INPP4B: variants seen among roughly 807,000 people sequenced by gnomAD.
INPP4B encodes the protein inositol polyphosphate-4-phosphatase type II B.
INPP4B carries 55 observed loss-of-function variants against 122.5 expected under a neutral mutation model. The ratio of observed to expected loss-of-function variants is 0.45; its 90% CI spans 0.36 to 0.56. The LOEUF (loss-of-function observed/expected upper bound fraction) is 0.56, where lower values mean the gene tolerates loss of function less well. Among genes scored for constraint, INPP4B ranks in the 20% least tolerant of loss-of-function variants. INPP4B has a pLI of 0.00. For synonymous variants in INPP4B, 403 were observed against 388.7 expected (o/e 1.04, Z -0.43); for missense variants, 1,000 against 1,097.7 (o/e 0.91, Z 1.26).
intron 7 of INPP4B, among the ~76,000 whole-genome samples, chr4:142,399,497 T>A (rs1201448407): frequency 2.0e-5 from 3 of 152,102 alleles, no homozygotes; most frequent in Non-Finnish European, 4.4e-5. Context: ...GCCAATTTCC[T>A]CTTGCTTTTA....
intron 22 of INPP4B, 25 bp downstream of exon 22, chr4:142,112,517 G>A: frequency 1.2e-6 from 2 of 1,610,818 alleles, no homozygotes; most frequent in Non-Finnish European, 1.7e-6. Flanking sequence ...AAAATCTCAA[G>A]TGCGACTCTT....
Position 142,776,178 on chromosome 4 carries a change from T to C in INPP4B, c.-253-50277A>G, listed in dbSNP as rs1412880245. Among the ~76,000 whole-genome samples, 3 of 152,194 alleles carry C rather than the reference T, an allele frequency of 2.0e-5. No individual in the cohort carries two copies. In the East Asian group the frequency reaches 5.8e-4, roughly 29 times the overall value. On this transcript the variant is annotated intron_variant, in intron 1 of 25. Coordinates refer to ENST00000262992, the MANE Select transcript of INPP4B (RefSeq NM_001101669.3). ...CTCTTACTATTTCTTTTCAAGATTGTTATCAGCTGTGGGCTAAGGTCTACT... is the reference window on the plus strand; with the variant it reads ...CTCTTACTATTTCTTTTCAAGATTGCTATCAGCTGTGGGCTAAGGTCTACT...
chr4:142,784,560 T>G (rs1452360177), intron 1 of INPP4B, among the ~76,000 whole-genome samples: 1 of 151,884 alleles, frequency 6.6e-6, no homozygotes, highest in African/African-American at 2.4e-5. Flanking sequence ...GCCATCAATT[T>G]ATAGAAGCAT....
At chr4:142,493,471 G>A (rs1822134612) in intron 2 of INPP4B, among the ~76,000 whole-genome samples, 1 of 152,188 alleles carries the variant, frequency 6.6e-6, no homozygotes, top group Admixed American at 6.5e-5. Context: ...ACCTACAGGG[G>A]CAGAGCTGCC....
intron 1 of INPP4B, among the ~76,000 whole-genome samples, chr4:142,815,332 T>C (rs1196966308): frequency 1.3e-5 from 2 of 152,190 alleles, no homozygotes; most frequent in East Asian, 3.9e-4. Flanking sequence ...TAGTTAATAA[T>C]GTATCAGCAC....
chr4:142,637,483 T>C (rs966385122), intron 2 of INPP4B, among the ~76,000 whole-genome samples: 6 of 152,210 alleles, frequency 3.9e-5, no homozygotes, highest in Non-Finnish European at 7.4e-5. Context: ...TTTCATTTAA[T>C]AATATGCATT....
chr4:142,746,492 T>G (rs917394588), intron 1 of INPP4B, among the ~76,000 whole-genome samples: 1 of 152,104 alleles, frequency 6.6e-6, no homozygotes, highest in Non-Finnish European at 1.5e-5. Flanking sequence ...AAGCTACCAA[T>G]GACTTTCTTC....
chr4:142,580,206 T>C (rs1323877700), intron 2 of INPP4B, among the ~76,000 whole-genome samples: 3 of 151,684 alleles, frequency 2.0e-5, no homozygotes, highest in African/African-American at 7.3e-5. Context: ...AGAAAATACT[T>C]GGGTTCAAAT....
At position 142,410,489 on chromosome 4, in the gene INPP4B, G is replaced by A. The variant is rs557650365; in HGVS notation, c.137-5165C>T. 1.4e-4 allele frequency among the ~76,000 whole-genome samples: 22 copies of A among 152,302 alleles called. No homozygotes were observed. In the South Asian group the frequency reaches 1.9e-3, roughly 13 times the overall value. On this transcript the variant is annotated intron_variant, in intron 5 of 25. Coordinates refer to ENST00000262992, the MANE Select transcript of INPP4B (RefSeq NM_001101669.3). ...AGAACAAAGCAGTGGCCACAGGTGC[G>A]TGGGAATCAGTGAGGGGGATATGAC...
At chr4:142,053,333 A>T (rs1181781749) in intron 25 of INPP4B, among the ~76,000 whole-genome samples, 1 of 152,080 alleles carries the variant, frequency 6.6e-6, no homozygotes, top group African/African-American at 2.4e-5. Flanking sequence ...GCTAACACAA[A>T]GGCAAGGCTT....
rs145211156 is a variant in INPP4B at position 142,580,722 on chromosome 4, G to C, written c.-190-117996C>G. Reference sequence around the variant, plus strand: ...TGCCTGAGACATTTTTGAAGACTTAGAAAAGGCAGAATCTATTCTATTTTA... The same window carrying C: ...TGCCTGAGACATTTTTGAAGACTTACAAAAGGCAGAATCTATTCTATTTTA... On this transcript the variant is annotated intron_variant, in intron 2 of 25. Transcript: ENST00000262992. 2.5e-3 allele frequency among the ~76,000 whole-genome samples: 382 copies of C among 152,124 alleles called. 6 individuals carry two copies. Among genetic ancestry groups the C allele is most frequent in the African/African-American group, 8.8e-3 (365 of 41,540 alleles).
intron 2 of INPP4B, among the ~76,000 whole-genome samples, chr4:142,637,191 A>T (rs140843289): frequency 5.6e-4 from 85 of 152,292 alleles, no homozygotes; most frequent in Middle Eastern, 3.4e-3. Flanking sequence ...ACCTGCATTG[A>T]CACATCATTA....
intron 9 of INPP4B, among the ~76,000 whole-genome samples, chr4:142,282,724 A>G (rs1030533183): frequency 2.6e-5 from 4 of 152,082 alleles, no homozygotes; most frequent in Non-Finnish European, 5.9e-5. Flanking sequence ...TCAAGGTCAG[A>G]ATTTCCATCT....
At chr4:142,811,262 T>C (rs961701216) in intron 1 of INPP4B, among the ~76,000 whole-genome samples, 1 of 152,164 alleles carries the variant, frequency 6.6e-6, no homozygotes, top group Non-Finnish European at 1.5e-5. Context: ...AGGAGCATAA[T>C]GCAGGCAGAG....
At chr4:142,282,643 A>C (rs1046547943) in intron 9 of INPP4B, among the ~76,000 whole-genome samples, 1 of 152,092 alleles carries the variant, frequency 6.6e-6, no homozygotes, top group African/African-American at 2.4e-5. Flanking sequence ...TTATCAGGAT[A>C]ACACTCAGTC....
chr4:142,771,676 G>T (rs1773091742), intron 1 of INPP4B, among the ~76,000 whole-genome samples: 1 of 152,092 alleles, frequency 6.6e-6, no homozygotes, highest in Admixed American at 6.6e-5. Context: ...GCTATAAATG[G>T]TTGTACCTGA....
intron 9 of INPP4B, among the ~76,000 whole-genome samples, chr4:142,299,171 G>T (rs200899671): frequency 7.2e-4 from 66 of 91,228 alleles, no homozygotes; most frequent in African/African-American, 4.6e-3. Context: ...TTTTTTTTTG[G>T]GGGGGAGACA....
Position 142,794,866 on chromosome 4 carries a change from C to T in INPP4B, c.-254+51343G>A, listed in dbSNP as rs935467101. 9.9e-5 allele frequency among the ~76,000 whole-genome samples: 15 copies of T among 151,938 alleles called. No homozygotes were observed. The East Asian group carries it at 1.9e-3, about 20-fold the overall frequency. On this transcript the variant is annotated intron_variant, in intron 1 of 25. Coordinates refer to ENST00000262992, the MANE Select transcript of INPP4B (RefSeq NM_001101669.3). The stretch of plus-strand genomic sequence containing the variant: ...GGTATTATGCAGTAAGATGTAAATA[C>T]ATTCATACACTGTAAGCTAACAATA...
rs1386370667 is a variant in INPP4B at position 142,167,209 on chromosome 4, G to GTT, written c.1359+6421_1359+6422dup. On this transcript the variant is annotated intron_variant, in intron 16 of 25. Transcript: ENST00000262992. Reference sequence around the variant, plus strand: ...CATACACACCATGGAATACTACACAGTTATAAAAAGGAACAAGATCATGTC... The same window carrying GTT: ...CATACACACCATGGAATACTACACAGTTTTATAAAAAGGAACAAGATCATGTC... 1.2e-3 allele frequency among the ~76,000 whole-genome samples: 185 copies of GTT among 151,796 alleles called. 2 individuals are homozygous for GTT. In the South Asian group the frequency reaches 0.021, roughly 17 times the overall value.
Sources: gnomAD v4.1 joint callset for allele counts (sites outside exome capture counted in the v4.1 genomes callset) on GRCh38, gnomAD v4.1.1 for gene constraint, MANE v1.5 for transcripts, NCBI Gene and HGNC (gene_info 2026-07-23, HGNC 2026-07-21) for gene names.